NXPH1: variants seen among roughly 807,000 people sequenced by gnomAD.
The protein encoded by NXPH1 is neurexophilin-1.
A neutral mutation model predicts 23.7 loss-of-function variants in NXPH1; 5 were observed. The ratio of observed to expected loss-of-function variants is 0.21; its 90% CI spans 0.11 to 0.44. The LOEUF (loss-of-function observed/expected upper bound fraction) is 0.44. NXPH1 is among the 20% of genes least tolerant of loss of function. NXPH1 has a pLI of 0.99. For missense variants in NXPH1, 324 were observed against 321.6 expected, an observed-to-expected ratio of 1.01 and a Z score of -0.06; for synonymous variants, 144 against 122.2, an observed-to-expected ratio of 1.18 and a Z score of -1.18.
intron 2 of NXPH1, among the ~76,000 whole-genome samples, chr7:8,629,937 A>T (rs1820090305): frequency 6.6e-6 from 1 of 152,188 alleles, no homozygotes; most frequent in African/African-American, 2.4e-5. Flanking sequence ...CTTGGCCTGA[A>T]TAGCTTATAT....
chr7:8,724,764 A>G (rs1399422447), intron 2 of NXPH1, among the ~76,000 whole-genome samples: 1 of 152,154 alleles, frequency 6.6e-6, no homozygotes, highest in Non-Finnish European at 1.5e-5. Context: ...TTTGTGTCTG[A>G]TTAACTTTTC....
intron 2 of NXPH1, among the ~76,000 whole-genome samples, chr7:8,496,310 C>T (rs1460797673): frequency 6.6e-6 from 1 of 152,032 alleles, no homozygotes. Context: ...AGAAGCCAGG[C>T]ATGTTCCTCT....
rs566623124 is a variant in NXPH1 at position 8,706,717 on chromosome 7, C to G, written c.55-44291C>G. Among the ~76,000 whole-genome samples the G allele has an allele frequency of 3.3e-5, 5 of 152,244 alleles. No homozygotes were observed. In the South Asian group the frequency reaches 1.0e-3, roughly 32 times the overall value. On this transcript the variant is annotated intron_variant, in intron 2 of 2. Transcript: ENST00000405863. ...CCTGGGCTCAACAACACGAATATTC[C>G]CTTACCAAGACTGGTCCAATTGCTG...
chr7:8,455,495 T>C (rs182481528), intron 2 of NXPH1, among the ~76,000 whole-genome samples: 15 of 152,280 alleles, frequency 9.9e-5, no homozygotes, highest in Admixed American at 3.3e-4. Context: ...GGGTGAAAGG[T>C]AAAGCTTTAT....
chr7:8,668,062 T>TTTAGTCTATG (rs1820805666), intron 2 of NXPH1, among the ~76,000 whole-genome samples: 1 of 151,218 alleles, frequency 6.6e-6, no homozygotes, highest in South Asian at 2.1e-4. Flanking sequence ...AAAAAATTAT[T>TTTAGTCTATG]TTAAATTTCT....
At chr7:8,664,069 C>T (rs1820723115) in intron 2 of NXPH1, among the ~76,000 whole-genome samples, 1 of 151,894 alleles carries the variant, frequency 6.6e-6, no homozygotes, top group Admixed American at 6.6e-5. Flanking sequence ...TTTAGAAAGC[C>T]ATGTATGATG....
chr7:8,475,611 A>T (rs74590249), intron 2 of NXPH1, among the ~76,000 whole-genome samples: 4,163 of 152,226 alleles, frequency 0.027, 87 homozygotes, highest in Middle Eastern at 0.044. Context: ...GGGAATCGGG[A>T]CTGATTGCTG....
At chr7:8,553,105 T>A (rs934436322) in intron 2 of NXPH1, among the ~76,000 whole-genome samples, 1 of 151,478 alleles carries the variant, frequency 6.6e-6, no homozygotes, top group Non-Finnish European at 1.5e-5. Context: ...TGAAAAGCAG[T>A]TTTTAGTGAA....
At chr7:8,436,698 C>A (rs1313812675) in intron 2 of NXPH1, among the ~76,000 whole-genome samples, 1 of 152,210 alleles carries the variant, frequency 6.6e-6, no homozygotes, top group Non-Finnish European at 1.5e-5. Context: ...TCCCGACCCC[C>A]ATAGCCCATC....
intron 2 of NXPH1, among the ~76,000 whole-genome samples, chr7:8,662,945 G>A (rs1402577018): frequency 6.6e-6 from 1 of 152,018 alleles, no homozygotes; most frequent in Non-Finnish European, 1.5e-5. Flanking sequence ...TCTTATCCAT[G>A]TTTTTATCTT....
At chr7:8,514,112 T>C (rs1817654336) in intron 2 of NXPH1, among the ~76,000 whole-genome samples, 2 of 152,130 alleles carry the variant, frequency 1.3e-5, no homozygotes, top group Non-Finnish European at 2.9e-5. Flanking sequence ...GCTAATTACT[T>C]CTGAAAAGAC....
intron 2 of NXPH1, among the ~76,000 whole-genome samples, chr7:8,639,254 T>A: frequency 6.6e-6 from 1 of 152,210 alleles, no homozygotes; most frequent in Admixed American, 6.5e-5. Context: ...CTAGAACTAT[T>A]TTAATTTGGA....
At chr7:8,713,898 C>T (rs557526918) in intron 2 of NXPH1, among the ~76,000 whole-genome samples, 18 of 152,318 alleles carry the variant, frequency 1.2e-4, no homozygotes, top group African/African-American at 4.1e-4. Flanking sequence ...ACCACTGGAA[C>T]TGCACAGGGT....
intron 2 of NXPH1, among the ~76,000 whole-genome samples, chr7:8,514,551 T>C (rs1189263572): frequency 6.6e-6 from 1 of 152,128 alleles, no homozygotes; most frequent in African/African-American, 2.4e-5. Context: ...CTCAGGATGG[T>C]AGATAAAACT....
chr7:8,631,099 C>A (rs754643736), intron 2 of NXPH1, among the ~76,000 whole-genome samples: 7 of 152,144 alleles, frequency 4.6e-5, no homozygotes, highest in Non-Finnish European at 7.4e-5. Context: ...CTGCAAAGGA[C>A]ATGACCTCAT....
At chr7:8,498,006 C>A (rs1185262470) in intron 2 of NXPH1, among the ~76,000 whole-genome samples, 1 of 152,010 alleles carries the variant, frequency 6.6e-6, no homozygotes, top group Non-Finnish European at 1.5e-5. Context: ...TAACCTGTTT[C>A]CTTATAGCAG....
At chr7:8,528,988 G>C (rs528790743) in intron 2 of NXPH1, among the ~76,000 whole-genome samples, 1 of 152,312 alleles carries the variant, frequency 6.6e-6, no homozygotes, top group South Asian at 2.1e-4. Context: ...CCCATCTGGG[G>C]TTCAGTGTCC....
chr7:8,491,455 A>G (rs547642116), intron 2 of NXPH1, among the ~76,000 whole-genome samples: 1 of 152,094 alleles, frequency 6.6e-6, no homozygotes, highest in Non-Finnish European at 1.5e-5. Flanking sequence ...GGTTTGAAAA[A>G]TATGCTCCCG....
intron 2 of NXPH1, among the ~76,000 whole-genome samples, chr7:8,698,315 G>A (rs1432841491): frequency 6.6e-6 from 1 of 152,060 alleles, no homozygotes; most frequent in African/African-American, 2.4e-5. Context: ...TGTACACTAA[G>A]TTTTTCAGGA....
Sources: allele counts gnomAD v4.1 joint callset (sites outside exome capture counted in the v4.1 genomes callset), GRCh38; gene constraint gnomAD v4.1.1; transcripts MANE v1.5; gene names NCBI Gene and HGNC (gene_info 2026-07-23, HGNC 2026-07-21).